Variants in FRMD3 observed in about 807,000 individuals in gnomAD.
FRMD3 encodes FERM domain-containing protein 3.
Under a neutral mutation model 70.2 loss-of-function variants are expected in FRMD3, and 33 were observed. The ratio of observed to expected loss-of-function variants is 0.47; its 90% confidence interval spans 0.36 to 0.63. FRMD3 has a LOEUF of 0.63. FRMD3 is among the 20% of genes least tolerant of loss of function. The probability of loss-of-function intolerance (pLI) is 0.00; values close to 1 mark genes in which losing one functional copy is unlikely to be tolerated. For synonymous variants in FRMD3, 279 were observed against 255.9 expected (o/e 1.09, Z -0.86); for missense variants, 632 against 711.4 (o/e 0.89, Z 1.27).
intron 1 of FRMD3, among the ~76,000 whole-genome samples, chr9:83,495,152 C>T (rs1336218119): frequency 6.6e-6 from 1 of 151,990 alleles, no homozygotes; most frequent in Non-Finnish European, 1.5e-5. Flanking sequence ...CTGAGTCCAG[C>T]CCAAAAAGGA....
At chr9:83,565,956 T>C in the FRMD3 span, among the ~76,000 whole-genome samples, 1 of 152,176 alleles carries the variant, frequency 6.6e-6, no homozygotes, top group African/African-American at 2.4e-5. Context: ...TTAAGTTGGG[T>C]GCTAAAGTAT....
At chr9:83,330,222 G>A (rs534306264) in intron 6 of FRMD3, among the ~76,000 whole-genome samples, 6 of 151,970 alleles carry the variant, frequency 3.9e-5, no homozygotes, top group South Asian at 2.1e-4. Flanking sequence ...AAATTAGCCC[G>A]GCAGGGTGGC....
intron 5 of FRMD3, among the ~76,000 whole-genome samples, chr9:83,340,825 G>A (rs566293138): frequency 3.3e-5 from 5 of 152,212 alleles, no homozygotes; most frequent in African/African-American, 9.6e-5. Flanking sequence ...CAAACTCCTG[G>A]CCTCAAGAAA....
At chr9:83,458,000 C>CAAAAA (rs10555580) in intron 1 of FRMD3, among the ~76,000 whole-genome samples, 19 of 87,932 alleles carry the variant, frequency 2.2e-4, no homozygotes, top group East Asian at 1.0e-3. Flanking sequence ...TATTACCTCT[C>CAAAAA]AAAAAAAAAA....
At chr9:83,482,054 A>G (rs1174646467) in intron 1 of FRMD3, among the ~76,000 whole-genome samples, 2 of 152,170 alleles carry the variant, frequency 1.3e-5, no homozygotes, top group African/African-American at 4.8e-5. Flanking sequence ...AAAGAAAACA[A>G]AAGACAGCAA....
intron 1 of FRMD3, among the ~76,000 whole-genome samples, chr9:83,436,134 C>A (rs979105967): frequency 3.3e-5 from 5 of 152,168 alleles, no homozygotes; most frequent in African/African-American, 1.2e-4. Context: ...TCCAGCTCAC[C>A]CTGTCCTCAT....
intron 1 of FRMD3, among the ~76,000 whole-genome samples, chr9:83,491,961 T>C (rs1179694716): frequency 6.6e-6 from 1 of 152,206 alleles, no homozygotes; most frequent in Non-Finnish European, 1.5e-5. Flanking sequence ...GTTAATGGAC[T>C]CCTTCCCAAG....
chr9:83,506,098 C>T (rs190287870), intron 1 of FRMD3, among the ~76,000 whole-genome samples: 16 of 152,310 alleles, frequency 1.1e-4, no homozygotes, highest in Non-Finnish European at 1.9e-4. Flanking sequence ...ATAACTTCAT[C>T]CCTGGATGAG....
At chr9:83,311,574 C>A (rs1251409459) in intron 8 of FRMD3, among the ~76,000 whole-genome samples, 4 of 152,066 alleles carry the variant, frequency 2.6e-5, no homozygotes, top group Non-Finnish European at 1.5e-5. Context: ...GAACTCACAC[C>A]TTTACCCTGC....
chr9:83,358,670 A>C (rs1824483919), intron 3 of FRMD3, among the ~76,000 whole-genome samples: 1 of 138,884 alleles, frequency 7.2e-6, no homozygotes, highest in African/African-American at 2.6e-5. Context: ...GTATATTCTT[A>C]AGTATTTATT....
upstream of FRMD3, among the ~76,000 whole-genome samples, chr9:83,542,869 A>T (rs1024080603): frequency 3.3e-5 from 5 of 152,190 alleles, no homozygotes; most frequent in African/African-American, 1.2e-4. Context: ...TCTTTTTGAC[A>T]AATGGTGCTG....
chr9:83,371,994 C>A (rs1194591923), intron 3 of FRMD3, among the ~76,000 whole-genome samples: 2 of 152,204 alleles, frequency 1.3e-5, no homozygotes, highest in African/African-American at 4.8e-5. Context: ...AGAACAATTT[C>A]TTCATATTCA....
chr9:83,324,400 T>C (rs903218243), intron 6 of FRMD3, among the ~76,000 whole-genome samples: 9 of 152,196 alleles, frequency 5.9e-5, no homozygotes, highest in African/African-American at 2.2e-4. Flanking sequence ...CAGCTGGTGA[T>C]GTTCTCATTC....
chr9:83,573,502 G>C, the FRMD3 span, among the ~76,000 whole-genome samples: 3 of 152,122 alleles, frequency 2.0e-5, no homozygotes, highest in Non-Finnish European at 2.9e-5. Flanking sequence ...CTGATTGTAA[G>C]GACTGGATCG....
chr9:83,520,577 T>C (rs1829549084), intron 1 of FRMD3, among the ~76,000 whole-genome samples: 1 of 152,156 alleles, frequency 6.6e-6, no homozygotes. Flanking sequence ...GAAAATTCAG[T>C]TCCTCAGTCA....
intron 1 of FRMD3, among the ~76,000 whole-genome samples, chr9:83,455,524 CT>C (rs1587870417): frequency 6.6e-6 from 1 of 152,178 alleles, no homozygotes; most frequent in East Asian, 1.9e-4. Flanking sequence ...TAAGAAGTGC[CT>C]TTTGCCTCCC....
intron 1 of FRMD3, among the ~76,000 whole-genome samples, chr9:83,491,209 T>C (rs961166567): frequency 6.6e-6 from 1 of 152,114 alleles, no homozygotes; most frequent in African/African-American, 2.4e-5. Context: ...GACATTTGAG[T>C]ATCAGAACTT....
At chr9:83,333,092 A>C (rs1823447291) in intron 6 of FRMD3, among the ~76,000 whole-genome samples, 1 of 152,232 alleles carries the variant, frequency 6.6e-6, no homozygotes, top group African/African-American at 2.4e-5. Flanking sequence ...CTCCCTCTGC[A>C]CTGTCAGCCT....
In FRMD3 at chr9:83,348,908, C is replaced by G. The variant is rs923852361; in HGVS notation, c.374+771G>C. On this transcript the variant is annotated intron_variant, in intron 4 of 13. Transcript: ENST00000304195. Reference sequence around the variant, plus strand: ...AGCAAAATATCCAAGAACCCAAAACCTCCCCCTGCCAATGATCAGAGCAGA... The same window carrying G: ...AGCAAAATATCCAAGAACCCAAAACGTCCCCCTGCCAATGATCAGAGCAGA... Among the ~76,000 whole-genome samples, 29 of 152,194 alleles carry G rather than the reference C, an allele frequency of 1.9e-4. 1 individual carries two copies. Among genetic ancestry groups the G allele is most frequent in the Admixed American group, 6.5e-5 (1 of 15,276 alleles).
Sources: gnomAD v4.1 joint callset for allele counts (sites outside exome capture counted in the v4.1 genomes callset) on GRCh38, gnomAD v4.1.1 for gene constraint, MANE v1.5 for transcripts, NCBI Gene and HGNC (gene_info 2026-07-23, HGNC 2026-07-21) for gene names.